The following CSMD1 variants were observed in gnomAD, a reference collection of about 807,000 sequenced individuals.
CSMD1 encodes the protein CUB and Sushi multiple domains 1, also known as CUB and sushi domain-containing protein 1.
A neutral mutation model predicts 417.5 loss-of-function variants in CSMD1; 213 were observed. The observed-to-expected ratio is 0.51, with a 90% CI of 0.46 to 0.57. The LOEUF (loss-of-function observed/expected upper bound fraction) is 0.57. CSMD1 is among the 20% of genes least tolerant of loss of function. The pLI is 0.00. For synonymous variants in CSMD1, 2,862 were observed against 1,736.8 expected, an observed-to-expected ratio of 1.65 and a Z score of -16.11; for missense variants, 6,923 against 4,529.7, an observed-to-expected ratio of 1.53 and a Z score of -15.17.
rs559337820 is a variant in CSMD1, at chr8:4,656,467, G to C, written c.86-18909C>G. On this transcript the variant is annotated intron_variant, in intron 1 of 69. Transcript: ENST00000635120. ...AAGCTTAAAGCACTTAACCTTTGCTGATAAGAACATTTACGGACCATTTCA... is the reference window on the plus strand; with the variant it reads ...AAGCTTAAAGCACTTAACCTTTGCTCATAAGAACATTTACGGACCATTTCA... Among the ~76,000 whole-genome samples, 99 of 152,184 alleles carry C rather than the reference G, an allele frequency of 6.5e-4. 1 individual carries two copies. The highest frequency in any genetic ancestry group is 1.2e-3 in the Non-Finnish European group (82 of 68,030).
intron 8 of CSMD1, among the ~76,000 whole-genome samples, chr8:3,589,839 G>C (rs748756241): frequency 6.6e-6 from 1 of 152,090 alleles, no homozygotes; most frequent in Non-Finnish European, 1.5e-5. Context: ...TCATATTCCA[G>C]ACTCTCATGT....
intron 55 of CSMD1, among the ~76,000 whole-genome samples, chr8:2,976,111 T>G (rs1325154821): frequency 6.6e-6 from 1 of 152,180 alleles, no homozygotes; most frequent in Non-Finnish European, 1.5e-5. Context: ...CTGAGAATTT[T>G]TTTGAAAGTT....
chr8:3,488,233 G>C (rs1335650232), intron 11 of CSMD1, among the ~76,000 whole-genome samples: 1 of 151,986 alleles, frequency 6.6e-6, no homozygotes. Context: ...CTCCTGAGTA[G>C]CTGGGACTGC....
intron 1 of CSMD1, among the ~76,000 whole-genome samples, chr8:4,770,022 T>C (rs1796523010): frequency 6.6e-6 from 1 of 152,122 alleles, no homozygotes; most frequent in Non-Finnish European, 1.5e-5. Flanking sequence ...CATTATTCTG[T>C]TACTCCGGTT....
chr8:3,725,316 C>T (rs1802419802), intron 6 of CSMD1, among the ~76,000 whole-genome samples: 1 of 152,152 alleles, frequency 6.6e-6, no homozygotes. Context: ...CTATTTCAGT[C>T]ATAGGGCAGG....
chr8:3,671,080 CATATAA>C (rs1799003308), intron 7 of CSMD1, among the ~76,000 whole-genome samples: 1 of 55,910 alleles, frequency 1.8e-5, no homozygotes, highest in African/African-American at 7.6e-5. Context: ...GGGATATATA[CATATAA>C]GGGATATATA....
intron 11 of CSMD1, among the ~76,000 whole-genome samples, chr8:3,470,122 C>G (rs1817003239): frequency 6.6e-6 from 1 of 152,184 alleles, no homozygotes; most frequent in African/African-American, 2.4e-5. Context: ...TACCTTCTCC[C>G]AGTCACCATC....
chr8:4,899,941 G>A (rs774970632), intron 1 of CSMD1, among the ~76,000 whole-genome samples: 4 of 152,140 alleles, frequency 2.6e-5, no homozygotes, highest in Non-Finnish European at 5.9e-5. Context: ...TTCACAGTAG[G>A]CCTTTAAGAA....
At chr8:4,528,277 A>T (rs1393419353) in intron 2 of CSMD1, among the ~76,000 whole-genome samples, 2 of 152,054 alleles carry the variant, frequency 1.3e-5, no homozygotes, top group African/African-American at 4.8e-5. Flanking sequence ...ATTAATCCCT[A>T]CCTCTCTAGA....
chr8:3,003,962 T>A (rs1807652167), intron 52 of CSMD1, among the ~76,000 whole-genome samples: 1 of 152,210 alleles, frequency 6.6e-6, no homozygotes, highest in Non-Finnish European at 1.5e-5. Context: ...TTGCATCCTG[T>A]CCAGCTTAGT....
chr8:3,106,721 T>G lies in CSMD1; in HGVS notation c.6836-80A>C, dbSNP rs187128924. 4.3e-4 allele frequency: 273 copies of G among 629,494 alleles called. 2 individuals are homozygous for G. In the East Asian group the frequency reaches 7.7e-3, roughly 18 times the overall value. The allele number at this position is 629,494 out of a possible 1,614,324, so 39.0% of individuals were successfully genotyped here. Reference sequence around the variant, plus strand: ...GAAGGTGTGACACATGTAGGACTACTTAAATGAATTAAATCAACTTGCAAA... The same window carrying G: ...GAAGGTGTGACACATGTAGGACTACGTAAATGAATTAAATCAACTTGCAAA... On this transcript the variant is annotated intron_variant, in intron 45 of 69. Transcript: ENST00000635120.
intron 3 of CSMD1, among the ~76,000 whole-genome samples, chr8:4,263,019 A>G (rs987046000): frequency 1.3e-5 from 2 of 152,206 alleles, no homozygotes; most frequent in African/African-American, 2.4e-5. Context: ...TGTCTTGGCC[A>G]AATAGTCTAA....
At chr8:3,790,303 G>T (rs773589158) in intron 5 of CSMD1, among the ~76,000 whole-genome samples, 26 of 152,172 alleles carry the variant, frequency 1.7e-4, no homozygotes, top group Non-Finnish European at 3.2e-4. Context: ...GTCATGTGTA[G>T]CTACTGGCTG....
intron 3 of CSMD1, among the ~76,000 whole-genome samples, chr8:4,275,272 T>G (rs1247245694): frequency 2.6e-5 from 4 of 152,156 alleles, no homozygotes; most frequent in Non-Finnish European, 5.9e-5. Context: ...CAATATGACT[T>G]CTCTTTTATG....
At chr8:3,351,888 A>C (rs1808450495) in intron 21 of CSMD1, among the ~76,000 whole-genome samples, 1 of 151,954 alleles carries the variant, frequency 6.6e-6, no homozygotes, top group Non-Finnish European at 1.5e-5. Flanking sequence ...CACATTTTTA[A>C]AAATTTAAAT....
intron 1 of CSMD1, among the ~76,000 whole-genome samples, chr8:4,898,375 T>G: frequency 7.4e-6 from 1 of 135,658 alleles, no homozygotes; most frequent in African/African-American, 3.0e-5. Flanking sequence ...ACACCTGCCA[T>G]TTTTTTGCAG....
At chr8:3,331,833 C>G (rs1806917451) in intron 23 of CSMD1, among the ~76,000 whole-genome samples, 1 of 152,146 alleles carries the variant, frequency 6.6e-6, no homozygotes, top group African/African-American at 2.4e-5. Context: ...TATGTGTAAA[C>G]TTGATTCATT....
At chr8:4,031,503 A>T (rs1380344081) in intron 4 of CSMD1, among the ~76,000 whole-genome samples, 1 of 152,156 alleles carries the variant, frequency 6.6e-6, no homozygotes, top group Non-Finnish European at 1.5e-5. Flanking sequence ...ATTACCTTCT[A>T]CCAGGTTCCT....
chr8:4,028,260 C>G (rs1218840658), intron 4 of CSMD1, among the ~76,000 whole-genome samples: 3 of 152,114 alleles, frequency 2.0e-5, no homozygotes, highest in Admixed American at 1.3e-4. Flanking sequence ...TCTATTAGCA[C>G]AAATACCTTG....
Sources: allele counts gnomAD v4.1 joint callset (sites outside exome capture counted in the v4.1 genomes callset), GRCh38; gene constraint gnomAD v4.1.1; transcripts MANE v1.5; gene names NCBI Gene and HGNC (gene_info 2026-07-23, HGNC 2026-07-21).